The following GRM7 variants were observed in gnomAD, a reference collection of about 807,000 sequenced individuals.
GRM7 encodes glutamate metabotropic receptor 7.
A neutral mutation model predicts 84.5 loss-of-function variants in GRM7; 35 were observed. The observed-to-expected ratio is 0.41, with a 90% CI of 0.32 to 0.55. The LOEUF is 0.55. Among genes scored for constraint, GRM7 ranks in the 20% least tolerant of loss-of-function variants. The probability of loss-of-function intolerance (pLI) is 0.19; values close to 1 mark genes in which losing one functional copy is unlikely to be tolerated. For missense variants in GRM7, 1,003 were observed against 1,194.6 expected, an observed-to-expected ratio of 0.84 and a Z score of 2.36; for synonymous variants, 487 against 455.1, an observed-to-expected ratio of 1.07 and a Z score of -0.89.
chr3:7,549,933 C>T (rs375479930), intron 7 of GRM7, among the ~76,000 whole-genome samples: 3 of 152,164 alleles, frequency 2.0e-5, no homozygotes, highest in African/African-American at 7.2e-5. Context: ...CACATCTGTC[C>T]TCTTTCTGAT....
At chr3:7,217,686 A>G (rs1265851849) in intron 2 of GRM7, among the ~76,000 whole-genome samples, 1 of 148,764 alleles carries the variant, frequency 6.7e-6, no homozygotes, top group East Asian at 1.9e-4. Context: ...AAGCTAGAAT[A>G]TAAATATTTT....
chr3:7,668,242 CT>C (rs1009588905), intron 8 of GRM7, among the ~76,000 whole-genome samples: 5 of 152,272 alleles, frequency 3.3e-5, no homozygotes, highest in Admixed American at 6.5e-5. Context: ...CACCGAGTAC[CT>C]TTTGCCTTTC....
chr3:7,361,965 T>G, intron 4 of GRM7, among the ~76,000 whole-genome samples: 1 of 152,266 alleles, frequency 6.6e-6, no homozygotes, highest in South Asian at 2.1e-4. Flanking sequence ...CTGCCGATTC[T>G]AAAGGATAAG....
intron 8 of GRM7, among the ~76,000 whole-genome samples, chr3:7,629,727 CAG>C (rs1697783715): frequency 6.6e-6 from 1 of 152,208 alleles, no homozygotes; most frequent in African/African-American, 2.4e-5. Context: ...AAACCTAACA[CAG>C]TGTCTTAAAA....
In GRM7 at chr3:7,551,866, T is replaced by C. The variant is rs577352455; in HGVS notation, c.1516-26556T>C. ...CTGGGTAATTTATTAAGGAAAGAAG[T>C]TTAATTGACTCACTGAGCAAGGCTG... On this transcript the variant is annotated intron_variant, in intron 7 of 9. Coordinates refer to ENST00000357716, the MANE Select transcript of GRM7 (RefSeq NM_000844.4). Among the ~76,000 whole-genome samples the C allele has an allele frequency of 4.6e-5, 7 of 152,228 alleles. No homozygotes were observed. The East Asian group carries it at 1.2e-3, about 25-fold the overall frequency.
rs1211717788 is a variant in GRM7, at chr3:6,863,692, G to A, written c.519+1785G>A. On this transcript the variant is annotated intron_variant, in intron 1 of 9. Coordinates refer to ENST00000357716, the MANE Select transcript of GRM7 (RefSeq NM_000844.4). This position sits in a 1 kb window ranked among gnomAD's most constrained non-coding sequence, Gnocchi z 4.8. ...AGACAAGTTGAGGTAGCAGTGCAGC[G>A]GGAGAGGATGAGGTCAGAGACATTA... is the stretch of plus-strand genomic sequence containing the variant. Among the ~76,000 whole-genome samples, 3 of 152,214 alleles carry A rather than the reference G, an allele frequency of 2.0e-5. No individual in the cohort carries two copies. The East Asian group carries it at 5.8e-4, about 29-fold the overall frequency.
chr3:7,647,568 G>C (rs558628969), intron 8 of GRM7, among the ~76,000 whole-genome samples: 23 of 152,194 alleles, frequency 1.5e-4, no homozygotes, highest in Non-Finnish European at 3.1e-4. Flanking sequence ...TGGGGAGTTG[G>C]AAGTATGAGG....
chr3:7,182,753 T>G (rs1258378261), intron 2 of GRM7, among the ~76,000 whole-genome samples: 1 of 152,224 alleles, frequency 6.6e-6, no homozygotes, highest in East Asian at 1.9e-4. Flanking sequence ...CTCCTTGAAG[T>G]TGATTGGAAA....
rs544727834 is a variant in GRM7 at position 7,460,330 on chromosome 3, G to A, written c.1376-1253G>A. ...TCCCCAGACAAATGTATTTTTCATT[G>A]CACCAAAGTTGCCCTCTTCTAACTG... On this transcript the variant is annotated intron_variant, in intron 6 of 9. Coordinates refer to ENST00000357716, the MANE Select transcript of GRM7 (RefSeq NM_000844.4). Among the ~76,000 whole-genome samples the A allele has an allele frequency of 3.9e-5, 6 of 152,004 alleles. No homozygotes were observed. The South Asian group carries it at 1.2e-3, about 32-fold the overall frequency.
At chr3:7,062,669 G>T (rs1390924866) in intron 1 of GRM7, among the ~76,000 whole-genome samples, 1 of 151,660 alleles carries the variant, frequency 6.6e-6, no homozygotes, top group African/African-American at 2.4e-5. Flanking sequence ...TTGACTTTTA[G>T]CATATTTGTC....
At position 7,206,307 on chromosome 3, in the gene GRM7, G is replaced by A. The variant is rs1026315389; in HGVS notation, c.736+59639G>A. ...GTTCAGTGGGAGAAGGAGCTATTAC[G>A]ACTAACTAAAATGAAGCTGAGGGAT... On this transcript the variant is annotated intron_variant, in intron 2 of 9. Transcript: ENST00000357716. 2.6e-5 allele frequency among the ~76,000 whole-genome samples: 4 copies of A among 152,128 alleles called. No homozygotes were observed. In the East Asian group the frequency reaches 5.8e-4, roughly 22 times the overall value.
intron 8 of GRM7, among the ~76,000 whole-genome samples, chr3:7,674,175 C>G (rs1700040513): frequency 6.6e-6 from 1 of 151,584 alleles, no homozygotes; most frequent in African/African-American, 2.4e-5. Flanking sequence ...ATCATGAATT[C>G]TTTAGTAGTT....
At chr3:7,690,947 C>CAA in intron 9 of GRM7, 1 of 306,652 alleles carries the variant, frequency 3.3e-6, no homozygotes, top group Non-Finnish European at 6.4e-6. Context: ...TTCTTTCCCC[C>CAA]AATCATTGTG....
At chr3:7,008,563 G>T (rs752239195) in intron 1 of GRM7, among the ~76,000 whole-genome samples, 3 of 152,100 alleles carry the variant, frequency 2.0e-5, no homozygotes, top group Non-Finnish European at 4.4e-5. Flanking sequence ...CAAACAAAAA[G>T]AAACAAAATT....
chr3:6,905,244 G>T (rs1574996834), intron 1 of GRM7, among the ~76,000 whole-genome samples: 1 of 152,154 alleles, frequency 6.6e-6, no homozygotes, highest in Non-Finnish European at 1.5e-5. Context: ...TCCTTAACTA[G>T]TGTGTATTTC....
Position 7,593,368 on chromosome 3 carries a change from G to A in GRM7, c.2451+14011G>A, listed in dbSNP as rs142408417. Among the ~76,000 whole-genome samples, 164 of 152,278 alleles carry A rather than the reference G, an allele frequency of 1.1e-3. 1 individual carries two copies. The highest frequency in any genetic ancestry group is 3.6e-3 in the Admixed American group (55 of 15,294). On this transcript the variant is annotated intron_variant, in intron 8 of 9. Coordinates refer to ENST00000357716, the MANE Select transcript of GRM7 (RefSeq NM_000844.4). ...TCTACAAAAAGCCACCATGTGCCAG[G>A]TACATATTTAGGTGCCAGGGATGGA...
intron 7 of GRM7, among the ~76,000 whole-genome samples, chr3:7,466,047 T>C (rs1320095671): frequency 6.6e-6 from 1 of 152,186 alleles, no homozygotes; most frequent in Non-Finnish European, 1.5e-5. Flanking sequence ...ACTCTTCTGA[T>C]TGTAACCTCT....
At chr3:7,719,043 G>C (rs1006657219) in intron 9 of GRM7, among the ~76,000 whole-genome samples, 2 of 152,176 alleles carry the variant, frequency 1.3e-5, no homozygotes, top group Non-Finnish European at 2.9e-5. Flanking sequence ...CTCCCAATGA[G>C]ATGGGTGGTT....
intron 8 of GRM7, among the ~76,000 whole-genome samples, chr3:7,600,594 T>C (rs1417427426): frequency 6.6e-6 from 1 of 152,130 alleles, no homozygotes; most frequent in Non-Finnish European, 1.5e-5. Context: ...TGCCCTCTGG[T>C]GTTCTTCTCC....
Sources: allele counts gnomAD v4.1 joint callset (sites outside exome capture counted in the v4.1 genomes callset), GRCh38; gene constraint gnomAD v4.1.1; non-coding constraint Gnocchi (gnomAD v3.1); transcripts MANE v1.5; gene names NCBI Gene and HGNC (gene_info 2026-07-23, HGNC 2026-07-21).